The following STRN3 variants were observed in gnomAD, a reference collection of about 807,000 sequenced individuals.
STRN3 encodes the protein striatin 3, also known as striatin-3.
STRN3 carries 29 observed loss-of-function variants against 95.6 expected under a neutral mutation model. The ratio of observed to expected loss-of-function variants is 0.30; its 90% confidence interval spans 0.23 to 0.41. The LOEUF is 0.41. Ranked by LOEUF, STRN3 falls within the 10% of genes least tolerant of loss-of-function variation. STRN3 has a pLI of 1.00. For missense variants in STRN3, 890 were observed against 972.1 expected, an observed-to-expected ratio of 0.92 and a Z score of 1.12; for synonymous variants, 331 against 357.6, an observed-to-expected ratio of 0.93 and a Z score of 0.84.
At chr14:31,003,815 A>AAAAC in intron 1 of STRN3, among the ~76,000 whole-genome samples, 5 of 148,290 alleles carry the variant, frequency 3.4e-5, no homozygotes, top group Non-Finnish European at 7.5e-5. Context: ...AAAAAAAAAA[A>AAAAC]AACTTGGTAG....
At chr14:30,912,332 T>G in intron 10 of STRN3, 150 bp from the exon 11 acceptor site, 2 of 618,628 alleles carry the variant, frequency 3.2e-6, no homozygotes, top group Admixed American at 7.2e-5. Flanking sequence ...CCTTTAAAAC[T>G]TTCTAAAAAA....
At position 30,897,523 on chromosome 14, in the gene STRN3, T is replaced by C. The variant is rs192319516; in HGVS notation, c.2138-1775A>G. On this transcript the variant is annotated intron_variant, in intron 16 of 17. Coordinates refer to ENST00000357479, the MANE Select transcript of STRN3 (RefSeq NM_001083893.2). ...TCGCTTGAACCCGGGAGGTGGAGGC[T>C]GCAGTGAGCTGAGATCGTGCCACTG... Among the ~76,000 whole-genome samples the C allele has an allele frequency of 7.2e-5, 11 of 152,326 alleles. 1 individual carries two copies. The highest frequency in any genetic ancestry group is 1.9e-4 in the African/African-American group (8 of 41,574).
At chr14:30,951,280 G>C (rs191207456) in intron 3 of STRN3, among the ~76,000 whole-genome samples, 1 of 151,910 alleles carries the variant, frequency 6.6e-6, no homozygotes, top group African/African-American at 2.4e-5. Context: ...CTGTCACCCA[G>C]CCTGGAGTAC....
At position 30,895,239 on chromosome 14, in the gene STRN3, T is replaced by C. The variant is rs539394928; in HGVS notation, c.*172A>G. On this transcript the variant is annotated 3_prime_UTR_variant, in exon 18 of 18. Transcript: ENST00000357479. ...TCCCACAAAATACAGTAATTACAGT[T>C]AACTTAATGAGCTTGACATTAAGAT... The C allele has an allele frequency of 2.9e-6, 2 of 679,532 alleles. No individual in the cohort carries two copies. The highest frequency in any genetic ancestry group is 6.2e-5 in the Admixed American group (2 of 32,050). The allele number at this position is 679,532 out of a possible 1,614,324, so 42.1% of individuals were successfully genotyped here.
chr14:30,955,842 GA>G (rs1032766654), intron 2 of STRN3, 149 bp from the exon 3 acceptor site: 88 of 650,116 alleles, frequency 1.4e-4, no homozygotes, highest in African/African-American at 1.9e-4. Context: ...TGCTGTAAAA[GA>G]AAAAAAAGGT....
chr14:30,927,729 C>A (rs1283871265), intron 8 of STRN3, among the ~76,000 whole-genome samples: 1 of 151,734 alleles, frequency 6.6e-6, no homozygotes, highest in Non-Finnish European at 1.5e-5. Context: ...GAGATTGAGA[C>A]CATCCTGGCT....
chr14:31,002,229 T>C (rs1413985191), intron 1 of STRN3, among the ~76,000 whole-genome samples: 1 of 133,380 alleles, frequency 7.5e-6, no homozygotes, highest in African/African-American at 2.8e-5. Flanking sequence ...ATCCCAGCAA[T>C]TTGGGAGGCT....
In STRN3 at chr14:30,954,161, T is replaced by C. The variant is rs560646304; in HGVS notation, c.460+1459A>G. On this transcript the variant is annotated intron_variant, in intron 3 of 17. Coordinates refer to ENST00000357479, the MANE Select transcript of STRN3 (RefSeq NM_001083893.2). ...CTAATAAAAATCAAGCAACATTTCA[T>C]ATATTTATTGGCCATTTATATATCC... 2.6e-5 allele frequency among the ~76,000 whole-genome samples: 4 copies of C among 152,350 alleles called. No individual in the cohort carries two copies. In the East Asian group the frequency reaches 5.8e-4, roughly 22 times the overall value.
At chr14:30,911,297 T>A (rs955631043) in intron 12 of STRN3, 135 bp from the exon 13 acceptor site, 59 of 269,368 alleles carry the variant, frequency 2.2e-4, no homozygotes, top group Non-Finnish European at 3.0e-4. Context: ...GACTGGTACT[T>A]TTTTTTTTTT....
intron 16 of STRN3, among the ~76,000 whole-genome samples, chr14:30,899,650 C>T (rs1349580032): frequency 6.6e-6 from 1 of 152,120 alleles, no homozygotes; most frequent in Non-Finnish European, 1.5e-5. Context: ...TATCCCCATA[C>T]CTGTAACTTC....
chr14:30,895,491 T>C lies in STRN3; in HGVS notation c.2314A>G (p.Ile772Val), dbSNP rs1013479603. 1.2e-6 allele frequency: 2 copies of C among 1,614,148 alleles called. No homozygotes were observed. The highest frequency in any genetic ancestry group is 1.1e-5 in the South Asian group (1 of 91,078). The change falls in exon 18 of 18, where the codon ATT becomes GTT. Residue 772 changes from isoleucine (I) to valine (V), a missense_variant. Physicochemically the swap from Ile to Val is conservative, Grantham distance 29 (BLOSUM62 3). Coordinates refer to ENST00000357479, the MANE Select transcript of STRN3 (RefSeq NM_001083893.2). ...TAHRKKLDESIYDVAFHSSKA... is the reference protein window; with the variant it reads ...TAHRKKLDESVYDVAFHSSKA... ...GACGAGTGGAAAGCAACATCATAAA[T>C]TGATTCATCCAATTTCTTTCTGTGA...
At chr14:30,981,819 G>T (rs566276363) in intron 1 of STRN3, among the ~76,000 whole-genome samples, 7 of 152,146 alleles carry the variant, frequency 4.6e-5, no homozygotes, top group Non-Finnish European at 1.0e-4. Context: ...TCCAGGCTGG[G>T]TGCGGTGGCT....
At chr14:30,895,820 T>C (rs1029549905) in intron 16 of STRN3, 72 bp from the exon 17 acceptor site, 5 of 1,287,500 alleles carry the variant, frequency 3.9e-6, no homozygotes, top group South Asian at 1.4e-5. Flanking sequence ...AACTACAATA[T>C]AGCATCAACA....
At chr14:30,900,519 C>A (rs971750325) in intron 16 of STRN3, among the ~76,000 whole-genome samples, 1 of 149,292 alleles carries the variant, frequency 6.7e-6, no homozygotes, top group Non-Finnish European at 1.5e-5. Flanking sequence ...GAGACTGAGG[C>A]GGGTAGATCA....
Position 30,930,086 on chromosome 14 carries a change from T to C in STRN3, c.989-775A>G, listed in dbSNP as rs552628330. Among the ~76,000 whole-genome samples the C allele has an allele frequency of 2.0e-4, 31 of 151,614 alleles. No individual in the cohort carries two copies. In the East Asian group the frequency reaches 5.4e-3, roughly 27 times the overall value. Reference sequence around the variant, plus strand: ...TACATTGCTGTACAACTGCTAAAGCTACATCAGCTATTTTAGCTGAATAAT... The same window carrying C: ...TACATTGCTGTACAACTGCTAAAGCCACATCAGCTATTTTAGCTGAATAAT... On this transcript the variant is annotated intron_variant, in intron 7 of 17. Transcript: ENST00000357479.
chr14:30,983,414 G>T (rs1346912596), intron 1 of STRN3, among the ~76,000 whole-genome samples: 2 of 152,112 alleles, frequency 1.3e-5, no homozygotes, highest in African/African-American at 4.8e-5. Context: ...GTGTGGTGGC[G>T]TATGCCTGTA....
Position 31,017,481 on chromosome 14 carries a change from G to A in STRN3, c.282+8423C>T, listed in dbSNP as rs149868442. 5.1e-3 allele frequency among the ~76,000 whole-genome samples: 769 copies of A among 150,140 alleles called. 3 individuals are homozygous for A. Among genetic ancestry groups the A allele is most frequent in the African/African-American group, 0.017 (710 of 40,802 alleles). On this transcript the variant is annotated intron_variant, in intron 1 of 17. Coordinates refer to ENST00000357479, the MANE Select transcript of STRN3 (RefSeq NM_001083893.2). ...GCCACTGCACTCCACCCTGGGCGACGCAGCGAGACTCCGTCTCAAAAAAAA... is the reference window on the plus strand; with the variant it reads ...GCCACTGCACTCCACCCTGGGCGACACAGCGAGACTCCGTCTCAAAAAAAA...
chr14:30,982,845 G>GA (rs1474586560), intron 1 of STRN3, among the ~76,000 whole-genome samples: 1 of 151,892 alleles, frequency 6.6e-6, no homozygotes, highest in African/African-American at 2.4e-5. Flanking sequence ...AGTACCTGTT[G>GA]GGTACTGTGC....
At chr14:30,932,758 T>C (rs1225305211) in intron 7 of STRN3, among the ~76,000 whole-genome samples, 1 of 152,232 alleles carries the variant, frequency 6.6e-6, no homozygotes, top group African/African-American at 2.4e-5. Flanking sequence ...TGCCATTCCA[T>C]ATAAATTAAA....
Sources: gnomAD v4.1 joint callset for allele counts (sites outside exome capture counted in the v4.1 genomes callset) on GRCh38, gnomAD v4.1.1 for gene constraint, MANE v1.5 for transcripts, NCBI Gene and HGNC (gene_info 2026-07-23, HGNC 2026-07-21) for gene names.